SGCZ: variants seen among roughly 807,000 people sequenced by gnomAD.
SGCZ encodes zeta-sarcoglycan.
In SGCZ, 40 loss-of-function variants were observed where a neutral mutation model predicts 41.3. The observed-to-expected ratio is 0.97, with a 90% CI of 0.75 to 1.26. The LOEUF (loss-of-function observed/expected upper bound fraction) is 1.26, where lower values mean the gene tolerates loss of function less well. SGCZ is among the 50% of genes most tolerant of loss of function. SGCZ has a pLI of 0.00. For synonymous variants in SGCZ, 206 were observed against 137.5 expected, an observed-to-expected ratio of 1.50 and a Z score of -3.49; for missense variants, 552 against 369.8, an observed-to-expected ratio of 1.49 and a Z score of -4.04.
chr8:14,769,337 G>A (rs1380041214), intron 1 of SGCZ, among the ~76,000 whole-genome samples: 2 of 152,106 alleles, frequency 1.3e-5, no homozygotes, highest in Admixed American at 6.5e-5. Flanking sequence ...TATTATGGGG[G>A]AAAAATTTGT....
chr8:14,605,856 G>T (rs1355301), intron 1 of SGCZ, among the ~76,000 whole-genome samples: 23,997 of 152,092 alleles, frequency 0.16, 2,318 homozygotes, highest in Non-Finnish European at 0.21. Flanking sequence ...ACAGATGAGG[G>T]AATGAGATGG....
At chr8:14,792,539 C>A (rs1800989518) in intron 1 of SGCZ, among the ~76,000 whole-genome samples, 1 of 152,006 alleles carries the variant, frequency 6.6e-6, no homozygotes, top group Non-Finnish European at 1.5e-5. Context: ...TTTTACTTGG[C>A]ATTTTAGCAT....
At chr8:14,816,241 C>T (rs1459670043) in intron 1 of SGCZ, among the ~76,000 whole-genome samples, 1 of 152,138 alleles carries the variant, frequency 6.6e-6, no homozygotes, top group African/African-American at 2.4e-5. Flanking sequence ...AGTGGTTATT[C>T]GTTTGAGCAG....
intron 1 of SGCZ, among the ~76,000 whole-genome samples, chr8:14,935,115 G>A (rs1563374572): frequency 6.6e-6 from 1 of 151,212 alleles, no homozygotes; most frequent in Non-Finnish European, 1.5e-5. Context: ...CACAAAAAGT[G>A]CAAGTATAAA....
intron 1 of SGCZ, among the ~76,000 whole-genome samples, chr8:15,196,298 A>G (rs1485882072): frequency 6.6e-6 from 1 of 152,126 alleles, no homozygotes; most frequent in African/African-American, 2.4e-5. Flanking sequence ...TTAATCCAAA[A>G]TTTGTTTTGC....
chr8:14,961,063 T>A (rs1448345173), intron 1 of SGCZ, among the ~76,000 whole-genome samples: 1 of 152,166 alleles, frequency 6.6e-6, no homozygotes, highest in Non-Finnish European at 1.5e-5. Context: ...CTTAGCATTT[T>A]AACTCTAAAT....
intron 1 of SGCZ, among the ~76,000 whole-genome samples, chr8:14,864,619 A>G (rs962461123): frequency 6.6e-6 from 1 of 152,180 alleles, no homozygotes; most frequent in Non-Finnish European, 1.5e-5. Context: ...AATTAAAGTC[A>G]GAGAAATAAT....
intron 3 of SGCZ, among the ~76,000 whole-genome samples, chr8:14,290,305 G>T (rs528353113): frequency 7.3e-6 from 1 of 136,756 alleles, no homozygotes; most frequent in Admixed American, 7.7e-5. Flanking sequence ...GAAACCAGAG[G>T]TACATAGGCA....
intron 1 of SGCZ, among the ~76,000 whole-genome samples, chr8:15,176,459 G>A (rs1489903833): frequency 1.3e-5 from 2 of 152,066 alleles, no homozygotes; most frequent in African/African-American, 2.4e-5. Context: ...TCTATGTTTA[G>A]AAAGCATAAT....
intron 2 of SGCZ, among the ~76,000 whole-genome samples, chr8:14,438,252 C>T (rs935879430): frequency 2.6e-5 from 4 of 151,906 alleles, no homozygotes; most frequent in Admixed American, 2.6e-4. Flanking sequence ...TAAAAGGAAT[C>T]ATGGAATTCT....
At chr8:14,617,630 T>C (rs1320275693) in intron 1 of SGCZ, among the ~76,000 whole-genome samples, 3 of 152,142 alleles carry the variant, frequency 2.0e-5, no homozygotes, top group Non-Finnish European at 4.4e-5. Flanking sequence ...GAACTAAATG[T>C]GGAGTGGTAA....
chr8:14,467,397 A>C (rs955299404), intron 2 of SGCZ, among the ~76,000 whole-genome samples: 6 of 152,044 alleles, frequency 3.9e-5, no homozygotes, highest in Non-Finnish European at 8.8e-5. Flanking sequence ...GTACTTCTAT[A>C]ATCAGAAGCA....
chr8:14,780,653 A>G (rs1264420917), intron 1 of SGCZ, among the ~76,000 whole-genome samples: 6 of 152,168 alleles, frequency 3.9e-5, no homozygotes, highest in Admixed American at 1.3e-4. Context: ...GGAGCTGATC[A>G]TAAAACCTCA....
chr8:14,347,101 C>G (rs1802913443), intron 2 of SGCZ, among the ~76,000 whole-genome samples: 1 of 152,018 alleles, frequency 6.6e-6, no homozygotes, highest in Non-Finnish European at 1.5e-5. Context: ...GCTACAATTT[C>G]CCATTAACAT....
In SGCZ at chr8:14,087,496, G is replaced by A. The variant is rs375201595; in HGVS notation, c.*2947C>T. ...CTTCTTCCGTTTGTTCCTTCCTGGCGTACACTGAGTATGAAGTTATTAAGA... is the reference window on the plus strand; with the variant it reads ...CTTCTTCCGTTTGTTCCTTCCTGGCATACACTGAGTATGAAGTTATTAAGA... On this transcript the variant is annotated 3_prime_UTR_variant, in exon 8 of 8. Transcript: ENST00000382080. Among the ~76,000 whole-genome samples, 17 of 151,292 alleles carry A rather than the reference G, an allele frequency of 1.1e-4. No individual in the cohort carries two copies. Among genetic ancestry groups the A allele is most frequent in the Non-Finnish European group, 2.1e-4 (14 of 67,682 alleles).
intron 3 of SGCZ, among the ~76,000 whole-genome samples, chr8:14,250,587 A>AG (rs2117205280): frequency 6.6e-6 from 1 of 152,300 alleles, no homozygotes; most frequent in Non-Finnish European, 1.5e-5. Flanking sequence ...TGAAAAGAAT[A>AG]GGGGTCTCCA....
chr8:14,814,608 G>C (rs1429113274), intron 1 of SGCZ, among the ~76,000 whole-genome samples: 1 of 152,114 alleles, frequency 6.6e-6, no homozygotes, highest in Non-Finnish European at 1.5e-5. Context: ...CTTAAGTATA[G>C]GATTATTTTA....
intron 7 of SGCZ, among the ~76,000 whole-genome samples, chr8:14,093,785 C>A (rs1801760050): frequency 6.6e-6 from 1 of 152,060 alleles, no homozygotes; most frequent in Non-Finnish European, 1.5e-5. Context: ...AGGTCACCTC[C>A]TTGGAAATAA....
intron 1 of SGCZ, among the ~76,000 whole-genome samples, chr8:15,005,159 T>C (rs927915054): frequency 1.3e-5 from 2 of 152,014 alleles, no homozygotes; most frequent in Non-Finnish European, 2.9e-5. Context: ...TTACTTTTCA[T>C]AAAACGTAGT....
Sources: gnomAD v4.1 joint callset for allele counts (sites outside exome capture counted in the v4.1 genomes callset) on GRCh38, gnomAD v4.1.1 for gene constraint, MANE v1.5 for transcripts, NCBI Gene and HGNC (gene_info 2026-07-23, HGNC 2026-07-21) for gene names.